PPFIBP1: variants seen among roughly 807,000 people sequenced by gnomAD.
PPFIBP1 encodes PPFIB scaffold protein 1, also known as liprin-beta-1.
A neutral mutation model predicts 137.8 loss-of-function variants in PPFIBP1; 112 were observed. That is an observed-to-expected ratio of 0.81 (90% confidence interval 0.70 to 0.95). PPFIBP1 has a LOEUF of 0.95. Ranked by LOEUF, PPFIBP1 falls within the 40% of genes least tolerant of loss-of-function variation. The pLI is 0.00. For missense variants in PPFIBP1, 1,083 were observed against 1,196.6 expected (o/e 0.91, Z 1.40); for synonymous variants, 378 against 417.3 (o/e 0.91, Z 1.15).
chr12:27,542,159 A>C (rs1478751717), intron 1 of PPFIBP1, among the ~76,000 whole-genome samples: 1 of 152,220 alleles, frequency 6.6e-6, no homozygotes, highest in African/African-American at 2.4e-5. Context: ...ATTTGAAAAA[A>C]CAAAATAACC....
chr12:27,654,769 G>C lies in PPFIBP1; in HGVS notation c.651G>C (p.Met217Ile), dbSNP rs758997740. The stretch of plus-strand genomic sequence containing the variant: ...ATTTGAGGTTAAAAGTTAGTGAAAT[G>C]GACAGTGAGAGACTTCAGTATGAAA... ...INDLRLKVSE[M>I]DSERLQYEKK... The change falls in exon 8 of 30, where the codon ATG (methionine) becomes ATC (isoleucine). Residue 217 changes from methionine to isoleucine, a missense_variant. By Grantham distance (10) the Met-to-Ile change is conservative (BLOSUM62 1). Coordinates refer to ENST00000228425, the MANE Select transcript of PPFIBP1 (RefSeq NM_003622.4). 39 of 1,611,922 alleles carry C rather than the reference G, an allele frequency of 2.4e-5. No individual in the cohort carries two copies. Among genetic ancestry groups the C allele is most frequent in the Non-Finnish European group, 3.1e-5 (37 of 1,179,538 alleles).
chr12:27,612,128 C>G (rs1374573296), intron 2 of PPFIBP1, among the ~76,000 whole-genome samples: 5 of 152,156 alleles, frequency 3.3e-5, no homozygotes, highest in Admixed American at 6.5e-5. Flanking sequence ...GAACTTGCAG[C>G]TGACTTTCTA....
chr12:27,660,218 A>G (rs1018542439), intron 10 of PPFIBP1, among the ~76,000 whole-genome samples: 1 of 152,156 alleles, frequency 6.6e-6, no homozygotes, highest in African/African-American at 2.4e-5. Context: ...TCTTTAAAAT[A>G]TATAAGTTTT....
intron 1 of PPFIBP1, among the ~76,000 whole-genome samples, chr12:27,569,303 C>T (rs1029528397): frequency 2.0e-5 from 3 of 152,174 alleles, no homozygotes; most frequent in Non-Finnish European, 4.4e-5. Context: ...CACATTATTG[C>T]ACTGATATAT....
intron 1 of PPFIBP1, among the ~76,000 whole-genome samples, chr12:27,570,274 T>C (rs1197851471): frequency 6.6e-6 from 1 of 152,208 alleles, no homozygotes; most frequent in Admixed American, 6.5e-5. Context: ...TTATCGAATA[T>C]GCAGTTCTGT....
chr12:27,667,364 T>A, intron 13 of PPFIBP1, 44 bp downstream of exon 13: 1 of 1,481,648 alleles, frequency 6.7e-7, no homozygotes, highest in Non-Finnish European at 9.0e-7. Flanking sequence ...GAAGAGACTG[T>A]GTTACTGAAA....
At chr12:27,615,913 A>G (rs921284906) in intron 2 of PPFIBP1, among the ~76,000 whole-genome samples, 5 of 152,172 alleles carry the variant, frequency 3.3e-5, no homozygotes, top group African/African-American at 1.2e-4. Flanking sequence ...ATCACTAGTC[A>G]TCTGGCGGAT....
chr12:27,688,503 A>G (rs1038031453), intron 26 of PPFIBP1, 80 bp downstream of exon 26: 1 of 1,534,994 alleles, frequency 6.5e-7, no homozygotes, highest in Non-Finnish European at 8.8e-7. Context: ...ATTTTTGCTT[A>G]TCATAATCCT....
intron 1 of PPFIBP1, chr12:27,549,563 TA>T (rs529113016): frequency 0.029 from 3,604 of 126,240 alleles, 124 homozygotes; most frequent in African/African-American, 0.093. Context: ...GAACCAGAAT[TA>T]AAAAAAAAAA....
chr12:27,565,586 C>A (rs565432298), intron 1 of PPFIBP1, among the ~76,000 whole-genome samples: 3 of 152,258 alleles, frequency 2.0e-5, no homozygotes, highest in East Asian at 3.9e-4. Context: ...CTTTTATCTG[C>A]ATAAAAACAT....
chr12:27,626,411 C>A (rs2056821379), intron 2 of PPFIBP1, among the ~76,000 whole-genome samples: 1 of 152,098 alleles, frequency 6.6e-6, no homozygotes, highest in South Asian at 2.1e-4. Context: ...CTGGGCAGGG[C>A]TTGTTGTCCC....
chr12:27,548,186 T>C (rs565903034), intron 1 of PPFIBP1: 207 of 152,298 alleles, frequency 1.4e-3, no homozygotes, highest in African/African-American at 4.4e-3. Flanking sequence ...TGACCCATAA[T>C]TGAATAATTT....
chr12:27,528,538 A>C (rs1418463429), intron 1 of PPFIBP1, among the ~76,000 whole-genome samples: 1 of 152,212 alleles, frequency 6.6e-6, no homozygotes, highest in Non-Finnish European at 1.5e-5. Flanking sequence ...GGAGCTCATA[A>C]ATTTAAAACT....
In PPFIBP1 at chr12:27,640,828, C is replaced by T. The variant is rs2058065961; in HGVS notation, c.271-5234C>T. 2.6e-5 allele frequency among the ~76,000 whole-genome samples: 4 copies of T among 152,204 alleles called. No individual in the cohort carries two copies. The South Asian group carries it at 8.3e-4, about 31-fold the overall frequency. On this transcript the variant is annotated intron_variant, in intron 4 of 29. Transcript: ENST00000228425. ...TTCAAGTCTTATCTCAATCTCTCCT[C>T]ATAGTTCAGAGTCTAGTGGAGAGCA... is the stretch of plus-strand genomic sequence containing the variant.
At chr12:27,638,256 C>T (rs2057829712) in intron 4 of PPFIBP1, among the ~76,000 whole-genome samples, 1 of 152,152 alleles carries the variant, frequency 6.6e-6, no homozygotes, top group Non-Finnish European at 1.5e-5. Context: ...AAATTGATAG[C>T]ATCCTAGAAT....
Position 27,673,762 on chromosome 12 carries a change from T to C in PPFIBP1, c.1320-5T>C. The C allele has an allele frequency of 6.2e-7, 1 of 1,611,918 alleles. No homozygotes were observed. Among genetic ancestry groups the C allele is most frequent in the Non-Finnish European group, 8.5e-7 (1 of 1,178,294 alleles). On this transcript the variant is annotated splice_region_variant and splice_polypyrimidine_tract_variant and intron_variant, in intron 15 of 29. Coordinates refer to ENST00000228425, the MANE Select transcript of PPFIBP1 (RefSeq NM_003622.4). ...ATTATTAATTGTTATTACTGTTATT[T>C]TTAGAACTTCAAGTCTGCAGAAGTC...
chr12:27,616,377 A>G (rs2138362867), intron 2 of PPFIBP1, among the ~76,000 whole-genome samples: 1 of 151,194 alleles, frequency 6.6e-6, no homozygotes, highest in South Asian at 2.1e-4. Flanking sequence ...AATCTCTTCA[A>G]GAGATGATGA....
intron 5 of PPFIBP1, 112 bp downstream of exon 5, chr12:27,646,260 C>A (rs1593098902): frequency 1.2e-6 from 1 of 809,946 alleles, no homozygotes; most frequent in Non-Finnish European, 2.1e-6. Context: ...TAGAAATAAG[C>A]CTGATAAGCC....
intron 2 of PPFIBP1, among the ~76,000 whole-genome samples, chr12:27,601,863 T>C (rs2137776307): frequency 6.6e-6 from 1 of 152,336 alleles, no homozygotes; most frequent in South Asian, 2.1e-4. Context: ...AACCTTGTTC[T>C]GTAAGCTCCC....
Sources: gnomAD v4.1 joint callset for allele counts (sites outside exome capture counted in the v4.1 genomes callset) on GRCh38, gnomAD v4.1.1 for gene constraint, MANE v1.5 for transcripts, NCBI Gene and HGNC (gene_info 2026-07-23, HGNC 2026-07-21) for gene names.